The following CHCHD6 variants were observed in gnomAD, a reference collection of about 807,000 sequenced individuals.
The protein encoded by CHCHD6 is coiled-coil-helix-coiled-coil-helix domain containing 6, also known as MICOS complex subunit MIC25.
A neutral mutation model predicts 32.3 loss-of-function variants in CHCHD6; 28 were observed. That is an observed-to-expected ratio of 0.87 (90% confidence interval 0.64 to 1.19). The LOEUF (loss-of-function observed/expected upper bound fraction) is 1.19, where lower values mean the gene tolerates loss of function less well. Among genes scored for constraint, CHCHD6 ranks in the 50% most tolerant of loss-of-function variants. The probability of loss-of-function intolerance (pLI) is 0.00; values close to 1 mark genes in which losing one functional copy is unlikely to be tolerated. For synonymous variants in CHCHD6, 122 were observed against 117.5 expected (o/e 1.04, Z -0.25); for missense variants, 333 against 307.0 (o/e 1.08, Z -0.63).
intron 6 of CHCHD6, among the ~76,000 whole-genome samples, chr3:126,943,834 T>C (rs2078596825): frequency 2.0e-5 from 3 of 152,194 alleles, no homozygotes; most frequent in Admixed American, 2.0e-4. Flanking sequence ...CCAGGTCTTC[T>C]GGGAGGCCCT....
At position 126,814,745 on chromosome 3, in the gene CHCHD6, C is replaced by T. The variant is rs546212987; in HGVS notation, c.412-37902C>T. Reference sequence around the variant, plus strand: ...AATAAACCAGGAAATGTAAGTGTTTCCCTGAGTTCTGTGAGCCACTCCATC... The same window carrying T: ...AATAAACCAGGAAATGTAAGTGTTTTCCTGAGTTCTGTGAGCCACTCCATC... On this transcript the variant is annotated intron_variant, in intron 4 of 7. Coordinates refer to ENST00000290913, the MANE Select transcript of CHCHD6 (RefSeq NM_032343.3). Among the ~76,000 whole-genome samples, 20 of 152,222 alleles carry T rather than the reference C, an allele frequency of 1.3e-4. No homozygotes were observed. The South Asian group carries it at 4.2e-3, about 32-fold the overall frequency.
chr3:126,801,403 G>A (rs1190334006), intron 4 of CHCHD6, among the ~76,000 whole-genome samples: 2 of 152,192 alleles, frequency 1.3e-5, no homozygotes, highest in African/African-American at 4.8e-5. Flanking sequence ...CGCACCAGGA[G>A]ATTATATCCC....
chr3:126,861,835 A>G (rs1396488239), intron 5 of CHCHD6, among the ~76,000 whole-genome samples: 1 of 85,002 alleles, frequency 1.2e-5, no homozygotes, highest in Non-Finnish European at 2.3e-5. Flanking sequence ...TTCCTCCACC[A>G]TCACCACCTC....
intron 4 of CHCHD6, chr3:126,766,730 C>G (rs1359733692): frequency 8.6e-7 from 1 of 1,165,984 alleles, no homozygotes; most frequent in African/African-American, 1.5e-5. Context: ...TCCTGCACTG[C>G]TTTTGGGTAT....
At chr3:126,777,040 T>C (rs1432582916) in intron 4 of CHCHD6, among the ~76,000 whole-genome samples, 1 of 152,152 alleles carries the variant, frequency 6.6e-6, no homozygotes, top group Non-Finnish European at 1.5e-5. Flanking sequence ...CTCAGTCTCT[T>C]CCACCCTCTG....
chr3:126,861,822 C>CT, intron 5 of CHCHD6, among the ~76,000 whole-genome samples: 1 of 120,862 alleles, frequency 8.3e-6, no homozygotes. Flanking sequence ...TCACCACCTC[C>CT]CCTTCCTCCA....
intron 4 of CHCHD6, among the ~76,000 whole-genome samples, chr3:126,797,641 T>G (rs1158380115): frequency 6.6e-6 from 1 of 152,212 alleles, no homozygotes; most frequent in East Asian, 1.9e-4. Context: ...TTACTACCTA[T>G]TTGTTAAAAA....
chr3:126,741,312 T>C (rs1188043052), intron 4 of CHCHD6, among the ~76,000 whole-genome samples: 1 of 151,818 alleles, frequency 6.6e-6, no homozygotes, highest in Non-Finnish European at 1.5e-5. Context: ...ACAGAATTGA[T>C]GTGAACTCAT....
intron 2 of CHCHD6, 66 bp downstream of exon 2, chr3:126,727,252 C>A: frequency 8.7e-7 from 1 of 1,151,694 alleles, no homozygotes; most frequent in Non-Finnish European, 1.3e-6. Context: ...GGTGCTCACC[C>A]GAGCCCACCT....
chr3:126,755,060 A>G (rs1936898246), intron 4 of CHCHD6, among the ~76,000 whole-genome samples: 1 of 152,208 alleles, frequency 6.6e-6, no homozygotes, highest in African/African-American at 2.4e-5. Context: ...ATGGCCTGGA[A>G]AAGAGGAGGC....
At chr3:126,861,042 A>G (rs576004997) in intron 5 of CHCHD6, among the ~76,000 whole-genome samples, 3 of 152,254 alleles carry the variant, frequency 2.0e-5, no homozygotes, top group East Asian at 1.9e-4. Flanking sequence ...TAAGCCCTTG[A>G]GCCCTGGGGA....
At chr3:126,847,815 C>T (rs756261730) in intron 4 of CHCHD6, among the ~76,000 whole-genome samples, 1 of 152,076 alleles carries the variant, frequency 6.6e-6, no homozygotes, top group Non-Finnish European at 1.5e-5. Flanking sequence ...CGCCCACCTC[C>T]CATCCTCTCA....
chr3:126,745,662 C>A (rs1936469680), intron 4 of CHCHD6, among the ~76,000 whole-genome samples: 1 of 152,208 alleles, frequency 6.6e-6, no homozygotes, highest in Non-Finnish European at 1.5e-5. Context: ...TAACCCTCCA[C>A]CTGGGTTGGC....
chr3:126,758,080 C>T (rs111634003), intron 4 of CHCHD6, among the ~76,000 whole-genome samples: 95 of 152,302 alleles, frequency 6.2e-4, no homozygotes, highest in African/African-American at 2.1e-3. Context: ...CTCTGTGGCC[C>T]GATGATAACC....
intron 4 of CHCHD6, among the ~76,000 whole-genome samples, chr3:126,808,972 C>CTT (rs60330898): frequency 1.4e-4 from 21 of 149,962 alleles, no homozygotes; most frequent in African/African-American, 2.7e-4. Flanking sequence ...TTTGAGTGGT[C>CTT]TTTTTTTTTT....
At chr3:126,803,777 A>AC (rs1371830682) in intron 4 of CHCHD6, among the ~76,000 whole-genome samples, 1 of 152,192 alleles carries the variant, frequency 6.6e-6, no homozygotes, top group African/African-American at 2.4e-5. Context: ...TCAGCACCAC[A>AC]CCACACCTAT....
chr3:126,892,550 GTTC>G (rs770598308), intron 5 of CHCHD6, among the ~76,000 whole-genome samples: 40 of 152,182 alleles, frequency 2.6e-4, no homozygotes, highest in African/African-American at 6.3e-4. Context: ...CTGCTGCGTG[GTTC>G]TTCTTCTGCC....
intron 7 of CHCHD6, among the ~76,000 whole-genome samples, chr3:126,959,662 G>A (rs961416200): frequency 5.3e-5 from 8 of 152,214 alleles, no homozygotes; most frequent in Non-Finnish European, 8.8e-5. Context: ...GGTAGGTGAT[G>A]CCTAGGCCCA....
chr3:126,802,001 G>T (rs1412417792), intron 4 of CHCHD6, among the ~76,000 whole-genome samples: 1 of 152,236 alleles, frequency 6.6e-6, no homozygotes, highest in Non-Finnish European at 1.5e-5. Context: ...GCAGCTGAGG[G>T]TCCTGTCCGT....
Sources: gnomAD v4.1 joint callset for allele counts (sites outside exome capture counted in the v4.1 genomes callset) on GRCh38, gnomAD v4.1.1 for gene constraint, MANE v1.5 for transcripts, NCBI Gene and HGNC (gene_info 2026-07-23, HGNC 2026-07-21) for gene names.